Variants in SRPK1 observed in about 807,000 individuals in gnomAD.
The protein encoded by SRPK1 is SFRS protein kinase 1.
SRPK1 carries 52 observed loss-of-function variants against 89.5 expected under a neutral mutation model. The observed-to-expected ratio is 0.58, with a 90% CI of 0.46 to 0.73. The LOEUF is 0.73. SRPK1 is among the 30% of genes least tolerant of loss of function. SRPK1 has a pLI of 0.00. For synonymous variants in SRPK1, 255 were observed against 270.2 expected, an observed-to-expected ratio of 0.94 and a Z score of 0.55; for missense variants, 603 against 780.6, an observed-to-expected ratio of 0.77 and a Z score of 2.71.
At chr6:35,889,798 C>CAAACAAA (rs1427182894) in intron 3 of SRPK1, among the ~76,000 whole-genome samples, 3 of 146,138 alleles carry the variant, frequency 2.1e-5, no homozygotes, top group Non-Finnish European at 4.5e-5. Flanking sequence ...AACAAACAAA[C>CAAACAAA]AAACAAAAAA....
chr6:35,872,019 C>A (rs1269316572), intron 8 of SRPK1, among the ~76,000 whole-genome samples: 1 of 152,204 alleles, frequency 6.6e-6, no homozygotes, highest in Non-Finnish European at 1.5e-5. Flanking sequence ...GCGTTACAGG[C>A]ATGAGCCACT....
chr6:35,864,907 T>C (rs1769860975), intron 12 of SRPK1, among the ~76,000 whole-genome samples: 1 of 152,160 alleles, frequency 6.6e-6, no homozygotes, highest in South Asian at 2.1e-4. Context: ...CTGGAGATCA[T>C]TATGTTAGAT....
At chr6:35,904,620 G>A (rs938605264) in intron 2 of SRPK1, among the ~76,000 whole-genome samples, 1 of 151,108 alleles carries the variant, frequency 6.6e-6, no homozygotes, top group Non-Finnish European at 1.5e-5. Flanking sequence ...CCAACATGGT[G>A]AAACCCCGTC....
chr6:35,870,506 T>A lies in SRPK1; in HGVS notation c.778-12A>T, dbSNP rs1770010154. ...GACATTTTGTCAGCCTGGGCGGAGA[T>A]TACAAACAGATAAAGCCTTCAGGTG... On this transcript the variant is annotated splice_polypyrimidine_tract_variant and intron_variant, in intron 9 of 15. Transcript: ENST00000373825. 4 of 1,549,344 alleles carry A rather than the reference T, an allele frequency of 2.6e-6. No homozygotes were observed. Among genetic ancestry groups the A allele is most frequent in the Non-Finnish European group, 3.5e-6 (4 of 1,146,682 alleles).
chr6:35,839,676 A>C (rs1769261322), intron 14 of SRPK1, among the ~76,000 whole-genome samples: 1 of 150,462 alleles, frequency 6.6e-6, no homozygotes, highest in Non-Finnish European at 1.5e-5. Flanking sequence ...GAAGTTAAGA[A>C]TATAAAACTT....
chr6:35,868,305 G>A (rs898841506), intron 12 of SRPK1, among the ~76,000 whole-genome samples: 6 of 152,100 alleles, frequency 3.9e-5, no homozygotes, highest in Non-Finnish European at 7.4e-5. Flanking sequence ...CCTTTCTAGA[G>A]TGTAATATGA....
intron 12 of SRPK1, among the ~76,000 whole-genome samples, chr6:35,859,777 T>G (rs1236834487): frequency 6.6e-6 from 1 of 152,174 alleles, no homozygotes; most frequent in Admixed American, 6.5e-5. Flanking sequence ...ACACATGTAT[T>G]GTTCACCGCT....
At chr6:35,909,469 C>G (rs1393653617) in intron 2 of SRPK1, among the ~76,000 whole-genome samples, 1 of 152,160 alleles carries the variant, frequency 6.6e-6, no homozygotes. Flanking sequence ...AGACTTGTCT[C>G]AGATGAGACT....
intron 2 of SRPK1, among the ~76,000 whole-genome samples, chr6:35,893,405 A>G (rs1770562121): frequency 1.3e-5 from 2 of 152,084 alleles, no homozygotes; most frequent in Non-Finnish European, 2.9e-5. Context: ...GGAATGCTTG[A>G]AGCTGCAAGG....
intron 13 of SRPK1, among the ~76,000 whole-genome samples, chr6:35,843,728 C>T (rs1000948911): frequency 6.6e-6 from 1 of 151,738 alleles, no homozygotes; most frequent in Non-Finnish European, 1.5e-5. Flanking sequence ...GGATTACAGG[C>T]GTGAGCCACC....
intron 1 of SRPK1, 189 bp downstream of exon 1, chr6:35,920,855 A>G (rs1338139647): frequency 3.6e-6 from 2 of 558,384 alleles, no homozygotes; most frequent in East Asian, 3.5e-5. Context: ...CCGGCGCCAG[A>G]GGACGCCCGG....
Position 35,892,202 on chromosome 6 carries a change from TA to T in SRPK1, c.75-1190del, listed in dbSNP as rs371194752. On this transcript the variant is annotated intron_variant, in intron 2 of 15. Coordinates refer to ENST00000373825, the MANE Select transcript of SRPK1 (RefSeq NM_003137.5). ...GATAGGTAAAAATCATATTTCATTTTATAATGCATTAAAAATATTTACTGAT... is the reference window on the plus strand; with the variant it reads ...GATAGGTAAAAATCATATTTCATTTTTAATGCATTAAAAATATTTACTGAT... 5.9e-5 allele frequency among the ~76,000 whole-genome samples: 9 copies of T among 152,314 alleles called. No individual in the cohort carries two copies. In the East Asian group the frequency reaches 1.2e-3, roughly 20 times the overall value.
At chr6:35,888,166 G>T in intron 4 of SRPK1, 55 bp from the exon 5 acceptor site, 1 of 1,236,864 alleles carries the variant, frequency 8.1e-7, no homozygotes. Context: ...ACTTTAGGAA[G>T]CTAAGATTTA....
At chr6:35,895,556 C>T (rs1770612123) in intron 2 of SRPK1, 1 of 152,104 alleles carries the variant, frequency 6.6e-6, no homozygotes, top group Non-Finnish European at 1.5e-5. Context: ...AAAAGCAGGC[C>T]TCAGAAAACA....
At chr6:35,898,353 T>C (rs956361876) in intron 2 of SRPK1, among the ~76,000 whole-genome samples, 1 of 152,112 alleles carries the variant, frequency 6.6e-6, no homozygotes, top group African/African-American at 2.4e-5. Flanking sequence ...AGTGATATAA[T>C]GGACTCTGGT....
intron 2 of SRPK1, among the ~76,000 whole-genome samples, chr6:35,901,779 T>C (rs1488846722): frequency 2.0e-5 from 3 of 151,902 alleles, no homozygotes; most frequent in Admixed American, 2.0e-4. Flanking sequence ...CCATATATAT[T>C]TTTCCTGAAA....
chr6:35,920,102 C>T (rs1334922383), intron 2 of SRPK1: 1 of 469,354 alleles, frequency 2.1e-6, no homozygotes, highest in Non-Finnish European at 4.2e-6. Flanking sequence ...CGTTGGGGAG[C>T]AGGTAAGAGA....
At chr6:35,860,116 G>A (rs950672364) in intron 12 of SRPK1, among the ~76,000 whole-genome samples, 4 of 151,880 alleles carry the variant, frequency 2.6e-5, no homozygotes, top group African/African-American at 7.3e-5. Flanking sequence ...CGCCTGCCTC[G>A]GCCTCCCAAA....
chr6:35,917,443 A>G (rs2127272220), intron 2 of SRPK1, among the ~76,000 whole-genome samples: 1 of 152,354 alleles, frequency 6.6e-6, no homozygotes, highest in East Asian at 1.9e-4. Flanking sequence ...TCTTATCTGT[A>G]AAGTAAAATG....
Sources: allele counts gnomAD v4.1 joint callset (sites outside exome capture counted in the v4.1 genomes callset), GRCh38; gene constraint gnomAD v4.1.1; transcripts MANE v1.5; gene names NCBI Gene and HGNC (gene_info 2026-07-23, HGNC 2026-07-21).